The following SPOCK1 variants were observed in gnomAD, a reference collection of about 807,000 sequenced individuals.
SPOCK1 encodes the protein testican-1.
SPOCK1 carries 23 observed loss-of-function variants against 55.3 expected under a neutral mutation model. The observed-to-expected ratio is 0.42, with a 90% CI of 0.30 to 0.59. The LOEUF is 0.59. SPOCK1 is among the 20% of genes least tolerant of loss of function. SPOCK1 has a pLI of 0.22. For synonymous variants in SPOCK1, 226 were observed against 221.0 expected (o/e 1.02, Z -0.20); for missense variants, 499 against 552.5 (o/e 0.90, Z 0.97).
intron 2 of SPOCK1, among the ~76,000 whole-genome samples, chr5:137,330,401 C>G (rs1174101567): frequency 6.6e-6 from 1 of 152,202 alleles, no homozygotes; most frequent in African/African-American, 2.4e-5. Flanking sequence ...GTTTAATTCA[C>G]TCCTTAAATG....
chr5:137,110,201 A>G (rs947043901), intron 5 of SPOCK1, among the ~76,000 whole-genome samples: 3 of 152,220 alleles, frequency 2.0e-5, no homozygotes, highest in African/African-American at 7.2e-5. Flanking sequence ...TATTACAAAA[A>G]TTCTCCTTCT....
intron 2 of SPOCK1, among the ~76,000 whole-genome samples, chr5:137,360,045 T>C (rs1167034745): frequency 6.6e-6 from 1 of 152,200 alleles, no homozygotes; most frequent in Non-Finnish European, 1.5e-5. Context: ...AGAGAGGATT[T>C]AAGACCAAGA....
chr5:137,094,186 T>C lies in SPOCK1; in HGVS notation c.474+18249A>G, dbSNP rs139103919. Among the ~76,000 whole-genome samples the C allele has an allele frequency of 6.3e-3, 966 of 152,216 alleles. 13 individuals carry two copies. Among genetic ancestry groups the C allele is most frequent in the African/African-American group, 0.021 (892 of 41,530 alleles). On this transcript the variant is annotated intron_variant, in intron 5 of 10. Coordinates refer to ENST00000394945, the MANE Select transcript of SPOCK1 (RefSeq NM_004598.4). ...GGCACAGAATAGAGTCATTAGCAGA[T>C]TGGGGGAAACACTGGGGCCCAAGGA...
At chr5:137,142,483 A>G (rs1227856151) in intron 3 of SPOCK1, among the ~76,000 whole-genome samples, 5 of 152,344 alleles carry the variant, frequency 3.3e-5, no homozygotes, top group Admixed American at 6.5e-5. Context: ...GCCAGGCTGC[A>G]TTCTCAGGCC....
intron 2 of SPOCK1, among the ~76,000 whole-genome samples, chr5:137,429,530 G>A (rs1752701353): frequency 1.3e-5 from 2 of 152,198 alleles, no homozygotes; most frequent in South Asian, 2.1e-4. Context: ...CAGTACAACG[G>A]CCTCAGAGCC....
intron 3 of SPOCK1, among the ~76,000 whole-genome samples, chr5:137,246,936 C>A (rs1580827468): frequency 1.3e-5 from 2 of 152,182 alleles, no homozygotes; most frequent in South Asian, 4.1e-4. Flanking sequence ...CCATCCCAGA[C>A]CTGCTGAATC....
intron 3 of SPOCK1, among the ~76,000 whole-genome samples, chr5:137,176,648 T>C (rs1754858974): frequency 6.6e-6 from 1 of 152,230 alleles, no homozygotes; most frequent in South Asian, 2.1e-4. Flanking sequence ...CTCAGAAAGA[T>C]GAACCCTTCA....
intron 3 of SPOCK1, among the ~76,000 whole-genome samples, chr5:137,227,178 G>C (rs1195444224): frequency 6.6e-6 from 1 of 152,196 alleles, no homozygotes; most frequent in Non-Finnish European, 1.5e-5. Flanking sequence ...GTGAACTACA[G>C]TACTTTTCCC....
At chr5:137,408,017 T>A (rs1418302957) in intron 2 of SPOCK1, among the ~76,000 whole-genome samples, 1 of 151,492 alleles carries the variant, frequency 6.6e-6, no homozygotes, top group East Asian at 1.9e-4. Context: ...GACCAAGCTC[T>A]GCACTACCTG....
At chr5:137,436,475 T>A (rs1435260655) in intron 2 of SPOCK1, among the ~76,000 whole-genome samples, 5 of 152,190 alleles carry the variant, frequency 3.3e-5, no homozygotes, top group Non-Finnish European at 7.3e-5. Context: ...GGCATGTTCC[T>A]GCAATAATAA....
intron 2 of SPOCK1, among the ~76,000 whole-genome samples, chr5:137,331,803 T>C (rs1253928682): frequency 3.3e-5 from 5 of 152,008 alleles, no homozygotes; most frequent in African/African-American, 7.2e-5. Flanking sequence ...TCTCCAACCC[T>C]GGGAATCACA....
chr5:137,418,522 T>C (rs1752401420), intron 2 of SPOCK1, among the ~76,000 whole-genome samples: 1 of 152,314 alleles, frequency 6.6e-6, no homozygotes, highest in South Asian at 2.1e-4. Flanking sequence ...TGGTATCTCA[T>C]TGTGGTTTTG....
At chr5:137,355,129 C>A (rs1385074579) in intron 2 of SPOCK1, among the ~76,000 whole-genome samples, 2 of 151,984 alleles carry the variant, frequency 1.3e-5, no homozygotes, top group Non-Finnish European at 2.9e-5. Flanking sequence ...TCTTGAACTC[C>A]TAAACTCGCA....
rs201134205 is a variant in SPOCK1 at position 137,479,435 on chromosome 5, GA to G, written c.186+18937del. Among the ~76,000 whole-genome samples the G allele has an allele frequency of 5.6e-4, 86 of 152,344 alleles. 1 individual carries two copies. In the East Asian group the frequency reaches 0.017, roughly 29 times the overall value. On this transcript the variant is annotated intron_variant, in intron 2 of 10. Transcript: ENST00000394945. ...CATAACTCTGCAGGATAGATCCCCA[GA>G]AGGGGATGCCCTTGGGACAGTATTA...
chr5:137,426,501 T>C (rs1105717), intron 2 of SPOCK1, among the ~76,000 whole-genome samples: 140,075 of 152,248 alleles, frequency 0.92, 65,210 homozygotes, highest in East Asian at 1. Context: ...AATCTTGATG[T>C]TCGACATATT....
chr5:137,203,794 A>C (rs1366440758), intron 3 of SPOCK1, among the ~76,000 whole-genome samples: 4 of 152,242 alleles, frequency 2.6e-5, no homozygotes, highest in Non-Finnish European at 5.9e-5. Flanking sequence ...ACATGTAAAC[A>C]AGAAACTACT....
At chr5:137,287,931 G>T (rs1365650271) in intron 2 of SPOCK1, among the ~76,000 whole-genome samples, 3 of 152,160 alleles carry the variant, frequency 2.0e-5, no homozygotes, top group Non-Finnish European at 4.4e-5. Flanking sequence ...CAAGTTAAAT[G>T]CAAAGGGAAG....
chr5:137,444,901 C>T (rs1346538603), intron 2 of SPOCK1, among the ~76,000 whole-genome samples: 1 of 152,212 alleles, frequency 6.6e-6, no homozygotes, highest in Non-Finnish European at 1.5e-5. Context: ...ATGACACAAA[C>T]CCAGCTACCT....
chr5:137,329,931 C>T (rs921998851), intron 2 of SPOCK1, among the ~76,000 whole-genome samples: 6 of 152,126 alleles, frequency 3.9e-5, no homozygotes, highest in African/African-American at 7.2e-5. Flanking sequence ...CTCTCATTTA[C>T]AAGACAGGCT....
Sources: allele counts gnomAD v4.1 joint callset (sites outside exome capture counted in the v4.1 genomes callset), GRCh38; gene constraint gnomAD v4.1.1; transcripts MANE v1.5; gene names NCBI Gene and HGNC (gene_info 2026-07-23, HGNC 2026-07-21).